Variants in RTEL1 observed in about 807,000 individuals in gnomAD.
RTEL1 encodes the protein regulator of telomere length.
Under a neutral mutation model 162.2 loss-of-function variants are expected in RTEL1, and 86 were observed. That is an observed-to-expected ratio of 0.53 (90% CI 0.45 to 0.63). The LOEUF (loss-of-function observed/expected upper bound fraction) is 0.63, where lower values mean the gene tolerates loss of function less well. RTEL1 is among the 30% of genes least tolerant of loss of function. The pLI, the probability that RTEL1 is intolerant of heterozygous loss-of-function variation, is 0.00. For missense variants in RTEL1, 1,941 were observed against 1,750.2 expected (o/e 1.11, Z -1.95); for synonymous variants, 958 against 717.9 (o/e 1.33, Z -5.35).
At chr20:63,688,766 CT>C (rs1386101548) in intron 21 of RTEL1, 161 bp downstream of exon 21, 2 of 678,044 alleles carry the variant, frequency 2.9e-6, no homozygotes, top group African/African-American at 3.6e-5. Context: ...AGTGTTGCCT[CT>C]TATCTTACAA....
Position 63,689,615 on chromosome 20 carries a change from T to C in RTEL1, c.1992T>C (p.Asp664=), listed in dbSNP as rs6062302. The C allele has an allele frequency of 0.76, 1,225,139 of 1,611,728 alleles. 472,506 individuals carry two copies. Among genetic ancestry groups the C allele is most frequent in the African/African-American group, 0.94 (70,740 of 75,002 alleles). Residue 664 remains aspartate, a synonymous_variant, in exon 23 of 35, where the codon GAT becomes GAC. Transcript: ENST00000360203. ...TTGTCCTCAAGATGCAGTTCCTGGATGAGATGAAGGGCCAGGGTGGGGCTG... is the reference window on the plus strand; with the variant it reads ...TTGTCCTCAAGATGCAGTTCCTGGACGAGATGAAGGGCCAGGGTGGGGCTG... ...PRVVLKMQFL[D]EMKGQGGAGG...
At chr20:63,679,337 C>T (rs780908427) in intron 12 of RTEL1, among the ~76,000 whole-genome samples, 12 of 152,128 alleles carry the variant, frequency 7.9e-5, no homozygotes, top group Non-Finnish European at 7.4e-5. Context: ...CCTGGCTCCT[C>T]GGCCACCCTG....
Position 63,661,164 on chromosome 20 carries a change from G to A in RTEL1, c.103-134G>A. 3.9e-6 allele frequency: 3 copies of A among 774,382 alleles called. No homozygotes were observed. The highest frequency in any genetic ancestry group is 4.1e-6 in the Non-Finnish European group (2 of 483,666). The allele number at this position is 774,382 out of a possible 1,614,324, so 48.0% of individuals were successfully genotyped here. A position where few individuals can be genotyped will look rare whatever the true frequency, so the allele number is the denominator to read the frequency against. On this transcript the variant is annotated intron_variant, in intron 2 of 34. Coordinates refer to ENST00000360203, the MANE Select transcript of RTEL1 (RefSeq NM_001283009.2). The surrounding 1 kb of genome is among the most constrained non-coding windows in gnomAD (Gnocchi z 5.1). ...GTGGACTTCTCCGCGGTCCCACAGG[G>A]CTCTCGCCACCTGGCAGTGGCCTCT...
In RTEL1 at chr20:63,695,484, A is replaced by G; in HGVS notation, c.3656A>G (p.Glu1219Gly). 6.2e-7 allele frequency: 1 copy of G among 1,608,384 alleles called. No individual in the cohort carries two copies. Among genetic ancestry groups the G allele is most frequent in the Non-Finnish European group, 8.5e-7 (1 of 1,177,590 alleles). The part of the protein sequence containing the change: ...PHGPAASEWG[E>G]PHGRDIAGQQ... ...GGGCCTGCAGCATCTGAGTGGGGTG[A>G]GCCTCATGGGAGAGACATCGCTGGG... Residue 1219 changes from glutamate (E) to glycine (G), a missense_variant, in exon 34 of 35, where the codon GAG (glutamate) becomes GGG (glycine). Physicochemically the swap from Glu to Gly is moderately conservative, Grantham distance 98 (BLOSUM62 -2). Transcript: ENST00000360203.
Position 63,661,597 on chromosome 20 carries a change from C to T in RTEL1, c.301+101C>T, listed in dbSNP as rs999401739. ...GCCCATGGGGACTCCTGCCGTCTCT[C>T]AAGCAGAACTCAAGGAGAATTTTTT... On this transcript the variant is annotated intron_variant, in intron 3 of 34. Coordinates refer to ENST00000360203, the MANE Select transcript of RTEL1 (RefSeq NM_001283009.2). This position sits in a 1 kb window ranked among gnomAD's most constrained non-coding sequence, Gnocchi z 5.1. The T allele has an allele frequency of 9.1e-6, 11 of 1,214,458 alleles. No individual in the cohort carries two copies. The African/African-American group carries it at 1.1e-4, about 12-fold the overall frequency. The allele number at this position is 1,214,458 out of a possible 1,614,324, so 75.2% of individuals were successfully genotyped here.
chr20:63,659,842 G>C (rs1452301797), intron 2 of RTEL1, among the ~76,000 whole-genome samples: 1 of 152,244 alleles, frequency 6.6e-6, no homozygotes, highest in Admixed American at 6.5e-5. Flanking sequence ...ACCGGCACCA[G>C]TCTCTGAGTT....
intron 7 of RTEL1, among the ~76,000 whole-genome samples, chr20:63,667,129 G>A (rs542943862): frequency 1.6e-4 from 24 of 152,250 alleles, no homozygotes; most frequent in South Asian, 6.2e-4. Context: ...GTGAGCCACC[G>A]CGCCCGGCCC....
chr20:63,673,096 CA>C (rs373458837), intron 9 of RTEL1, among the ~76,000 whole-genome samples: 16,230 of 145,578 alleles, frequency 0.11, 1,040 homozygotes, highest in South Asian at 0.25. Context: ...GATTCTGTGT[CA>C]AAAAAAAAAA....
At chr20:63,671,257 C>T (rs915293952) in intron 8 of RTEL1, among the ~76,000 whole-genome samples, 2 of 151,352 alleles carry the variant, frequency 1.3e-5, no homozygotes, top group East Asian at 2.0e-4. Context: ...GACGGCAGTT[C>T]GCCATGTTGG....
At position 63,694,987 on chromosome 20, in the gene RTEL1, G is replaced by T; in HGVS notation, c.3343+13G>T. The T allele has an allele frequency of 6.2e-7, 1 of 1,611,646 alleles. No individual in the cohort carries two copies. The highest frequency in any genetic ancestry group is 8.5e-7 in the Non-Finnish European group (1 of 1,179,208). On this transcript the variant is annotated intron_variant, in intron 32 of 34. Transcript: ENST00000360203. ...CCCCTGCTGCACAGCAAGTGGCCCT[G>T]GCGTGGGGAACAGCCGGTGGGGTGG... is the stretch of plus-strand genomic sequence containing the variant.
intron 30 of RTEL1, among the ~76,000 whole-genome samples, 174 bp downstream of exon 30, chr20:63,693,457 C>T (rs2090830149): frequency 3.2e-5 from 1 of 31,092 alleles, no homozygotes; most frequent in Non-Finnish European, 6.1e-5. Flanking sequence ...AGCACCACCT[C>T]CACCTCCACC....
In RTEL1 at chr20:63,692,867, G is replaced by C. The variant is rs1278177922; in HGVS notation, c.2715G>C (p.Gln905His). Reference protein sequence around the residue: ...RAKLFMVAVKQELSQANFATF... With the variant: ...RAKLFMVAVKHELSQANFATF... Reference sequence around the variant, plus strand: ...AGCTCTTCATGGTGGCCGTGAAGCAGGAGTTGAGCCAAGCCAACTTTGCCA... The same window carrying C: ...AGCTCTTCATGGTGGCCGTGAAGCACGAGTTGAGCCAAGCCAACTTTGCCA... Residue 905 changes from glutamine (Q) to histidine (H), a missense_variant, in exon 29 of 35, where the codon CAG becomes CAC. Transcript: ENST00000360203. 4 of 1,612,656 alleles carry C rather than the reference G, an allele frequency of 2.5e-6. No individual in the cohort carries two copies. The highest frequency in any genetic ancestry group is 3.4e-6 in the Non-Finnish European group (4 of 1,179,868).
chr20:63,691,795 A>T lies in RTEL1; in HGVS notation c.2610A>T (p.Glu870Asp). ...TGTCTGAGAAGAGGCCGGCAGAAGA[A>T]CCGCGAGGAGGGAGGAAGAAGATCC... The part of the protein sequence containing the change: ...SLLSEKRPAE[E>D]PRGGRKKIRL... The change falls in exon 28 of 35, where the codon GAA becomes GAT. Residue 870 changes from glutamate (E) to aspartate (D), a missense_variant. Physicochemically the swap from Glu to Asp is conservative, Grantham distance 45 (BLOSUM62 2). Transcript: ENST00000360203. 3.1e-6 allele frequency: 5 copies of T among 1,612,344 alleles called. No individual in the cohort carries two copies. The highest frequency in any genetic ancestry group is 4.2e-6 in the Non-Finnish European group (5 of 1,179,796).
Position 63,692,830 on chromosome 20 carries a change from C to A in RTEL1, c.2678C>A (p.Thr893Lys), listed in dbSNP as rs141717966. 6.2e-7 allele frequency: 1 copy of A among 1,612,306 alleles called. No homozygotes were observed. Among genetic ancestry groups the A allele is most frequent in the Non-Finnish European group, 8.5e-7 (1 of 1,179,660 alleles). ...HPEEPVAGAQTDRAKLFMVAV... is the reference protein window; with the variant it reads ...HPEEPVAGAQKDRAKLFMVAV... ...GAGGAGCCCGTGGCTGGTGCACAGA[C>A]GGACAGGGCCAAGCTCTTCATGGTG... The change falls in exon 29 of 35, where the codon ACG becomes AAG. Residue 893 changes from threonine (T) to lysine (K), a missense_variant. By Grantham distance (78) the Thr-to-Lys change is moderately conservative. Transcript: ENST00000360203.
In RTEL1 at chr20:63,674,133, C is replaced by G. The variant is rs2090301320; in HGVS notation, c.919+40C>G. On this transcript the variant is annotated intron_variant, in intron 10 of 34. Transcript: ENST00000360203. ...AGACTGCTTGGTCCTGAGGCCTGCG[C>G]TGCTGCAGGGTGAGCCCCACCCGGA... 3 of 1,562,490 alleles carry G rather than the reference C, an allele frequency of 1.9e-6. No individual in the cohort carries two copies. The South Asian group carries it at 3.5e-5, about 18-fold the overall frequency.
rs138992534 is a variant in RTEL1, at chr20:63,659,592, C to G, written c.102+88C>G. 9.5e-5 allele frequency: 95 copies of G among 995,156 alleles called. 1 individual carries two copies. The East Asian group carries it at 2.2e-3, about 23-fold the overall frequency. The allele number at this position is 995,156 out of a possible 1,614,324, so 61.6% of individuals were successfully genotyped here. ...GCTTCCCTCTCCCGGCCCATTCCAG[C>G]CAGGCCCCTCCGGGCCAGAGGCAGC... On this transcript the variant is annotated intron_variant, in intron 2 of 34. Coordinates refer to ENST00000360203, the MANE Select transcript of RTEL1 (RefSeq NM_001283009.2).
chr20:63,693,360 G>T, intron 30 of RTEL1, 77 bp downstream of exon 30: 1 of 1,571,538 alleles, frequency 6.4e-7, no homozygotes, highest in Non-Finnish European at 8.7e-7. Context: ...GCTGCTTGGG[G>T]TGGGCATCCT....
intron 30 of RTEL1, 95 bp downstream of exon 30, chr20:63,693,378 T>C: frequency 1.4e-6 from 2 of 1,473,798 alleles, no homozygotes; most frequent in Middle Eastern, 2.3e-4. Flanking sequence ...CCTCGGGCCC[T>C]GCTTGGCCCC....
At position 63,692,893 on chromosome 20, in the gene RTEL1, C is replaced by T. The variant is rs1433744035; in HGVS notation, c.2741C>T (p.Thr914Ile). The part of the protein sequence containing the change: ...KQELSQANFA[T>I]FTQALQDYKG... ...GAGTTGAGCCAAGCCAACTTTGCCACCTTCACCCAGGCCCTGCAGGACTAC... is the reference window on the plus strand; with the variant it reads ...GAGTTGAGCCAAGCCAACTTTGCCATCTTCACCCAGGCCCTGCAGGACTAC... Residue 914 changes from threonine (T) to isoleucine (I), a missense_variant, in exon 29 of 35, where the codon ACC becomes ATC. Physicochemically the swap from Thr to Ile is moderately conservative, Grantham distance 89. Coordinates refer to ENST00000360203, the MANE Select transcript of RTEL1 (RefSeq NM_001283009.2). 1.9e-6 allele frequency: 3 copies of T among 1,612,654 alleles called. No individual in the cohort carries two copies. Among genetic ancestry groups the T allele is most frequent in the East Asian group, 2.2e-5 (1 of 44,880 alleles).
Sources: gnomAD v4.1 joint callset for allele counts (sites outside exome capture counted in the v4.1 genomes callset) on GRCh38, gnomAD v4.1.1 for gene constraint, Gnocchi (gnomAD v3.1) non-coding constraint, MANE v1.5 for transcripts, NCBI Gene and HGNC (gene_info 2026-07-23, HGNC 2026-07-21) for gene names.